ABTB3: variants seen among roughly 807,000 people sequenced by gnomAD.
ABTB3 encodes ankyrin repeat- and BTB/POZ domain-containing protein 3.
the ABTB3 span, among the ~76,000 whole-genome samples, chr12:107,332,581 C>G: frequency 6.6e-6 from 1 of 152,124 alleles, no homozygotes; most frequent in South Asian, 2.1e-4. Flanking sequence ...TGGAAGATGA[C>G]TGAGGAGTAC....
the ABTB3 span, among the ~76,000 whole-genome samples, chr12:107,531,565 T>C: frequency 2.0e-5 from 3 of 152,060 alleles, no homozygotes; most frequent in Non-Finnish European, 4.4e-5. Context: ...TTCCTCTCAA[T>C]CCAGTGGTCA....
chr12:107,492,494 C>A, the ABTB3 span, among the ~76,000 whole-genome samples: 2 of 152,122 alleles, frequency 1.3e-5, no homozygotes, highest in Non-Finnish European at 2.9e-5. Flanking sequence ...AAGCTAGCAC[C>A]TTTCCTGCCA....
At chr12:107,482,973 TTTCTTTCTTTCTTTCCTTCC>T in the ABTB3 span, among the ~76,000 whole-genome samples, 4,862 of 70,820 alleles carry the variant, frequency 0.069, 206 homozygotes, top group African/African-American at 0.085. Flanking sequence ...TCTTTCTTTC[TTTCTTTCTTTCTTTCCTTCC>T]TTCCTTCCTT....
At chr12:107,408,120 A>G in the ABTB3 span, among the ~76,000 whole-genome samples, 24,802 of 152,084 alleles carry the variant, frequency 0.16, 3,955 homozygotes, top group East Asian at 0.42. Flanking sequence ...AACCCCAAGC[A>G]GATGCTAAAA....
chr12:107,496,224 CT>C, the ABTB3 span, among the ~76,000 whole-genome samples: 1 of 152,204 alleles, frequency 6.6e-6, no homozygotes, highest in African/African-American at 2.4e-5. Context: ...TCACCTCTAA[CT>C]CCTGCCTTAT....
the ABTB3 span, among the ~76,000 whole-genome samples, chr12:107,469,062 G>T: frequency 1.8e-4 from 27 of 152,312 alleles, 1 homozygote; most frequent in South Asian, 1.9e-3. Context: ...ATGGGTGAGG[G>T]CTGGGTTAAG....
At chr12:107,639,136 G>C in the ABTB3 span, among the ~76,000 whole-genome samples, 1 of 152,314 alleles carries the variant, frequency 6.6e-6, no homozygotes, top group East Asian at 1.9e-4. Flanking sequence ...GGGTGCTTTA[G>C]GTAAAGGAAC....
chr12:107,484,597 CTT>C, the ABTB3 span, among the ~76,000 whole-genome samples: 2 of 140,000 alleles, frequency 1.4e-5, no homozygotes, highest in Non-Finnish European at 1.6e-5. Context: ...TCTGATCTGA[CTT>C]TTTTTTTTTT....
the ABTB3 span, among the ~76,000 whole-genome samples, chr12:107,416,859 C>T: frequency 6.6e-6 from 1 of 152,166 alleles, no homozygotes; most frequent in African/African-American, 2.4e-5. Context: ...TCTCAAACTC[C>T]TGGCCTCAAG....
At chr12:107,584,146 T>C in the ABTB3 span, among the ~76,000 whole-genome samples, 2 of 152,244 alleles carry the variant, frequency 1.3e-5, no homozygotes, top group South Asian at 4.1e-4. Context: ...TTTTCTAATC[T>C]CATTTAATGT....
the ABTB3 span, among the ~76,000 whole-genome samples, chr12:107,415,870 T>C: frequency 6.6e-6 from 1 of 152,124 alleles, no homozygotes; most frequent in Non-Finnish European, 1.5e-5. Flanking sequence ...CTTCATGCCA[T>C]GCTGCCTCGT....
the ABTB3 span, among the ~76,000 whole-genome samples, chr12:107,503,525 G>A: frequency 2.0e-5 from 3 of 151,932 alleles, no homozygotes; most frequent in African/African-American, 7.3e-5. Context: ...CCAGCATTTT[G>A]GGGGGCCGAG....
chr12:107,614,099 A>C, the ABTB3 span, among the ~76,000 whole-genome samples: 1 of 152,068 alleles, frequency 6.6e-6, no homozygotes, highest in South Asian at 2.1e-4. Flanking sequence ...GCCTTCCTCC[A>C]GTGGATGCTT....
At chr12:107,554,620 A>G in the ABTB3 span, among the ~76,000 whole-genome samples, 1 of 152,110 alleles carries the variant, frequency 6.6e-6, no homozygotes. Context: ...TATGGCCTGG[A>G]TATATATTCT....
At chr12:107,620,185 T>C in the ABTB3 span, 41 of 1,612,254 alleles carry the variant, frequency 2.5e-5, no homozygotes, top group Non-Finnish European at 3.4e-5. Flanking sequence ...TTTGAGGTTG[T>C]TGTGGTCATC....
chr12:107,582,586 A>T, the ABTB3 span, among the ~76,000 whole-genome samples: 1 of 152,204 alleles, frequency 6.6e-6, no homozygotes, highest in East Asian at 1.9e-4. Flanking sequence ...AGCACCTACC[A>T]TGTGACGGTT....
At chr12:107,435,309 A>G in the ABTB3 span, among the ~76,000 whole-genome samples, 1 of 152,200 alleles carries the variant, frequency 6.6e-6, no homozygotes, top group Admixed American at 6.5e-5. Context: ...CTGTAGGAGG[A>G]GCCCTTCAGA....
the ABTB3 span, among the ~76,000 whole-genome samples, chr12:107,415,368 C>A: frequency 6.6e-6 from 1 of 152,134 alleles, no homozygotes; most frequent in Non-Finnish European, 1.5e-5. Context: ...CAGAGAAGAA[C>A]AGTGCCCACT....
chr12:107,640,809 G>C, the ABTB3 span, among the ~76,000 whole-genome samples: 1 of 152,226 alleles, frequency 6.6e-6, no homozygotes, highest in Non-Finnish European at 1.5e-5. Context: ...TAACTGTGGA[G>C]TTAACAGACA....
Sources: gnomAD v4.1 joint callset for allele counts (sites outside exome capture counted in the v4.1 genomes callset) on GRCh38, gnomAD v4.1.1 for gene constraint, MANE v1.5 for transcripts, NCBI Gene and HGNC (gene_info 2026-07-23, HGNC 2026-07-21) for gene names.